CYP51A1: variants seen among roughly 807,000 people sequenced by gnomAD.
CYP51A1 encodes cytochrome P450 family 51 subfamily A member 1, also known as lanosterol 14-alpha demethylase.
CYP51A1 carries 45 observed loss-of-function variants against 53.5 expected under a neutral mutation model. The ratio of observed to expected loss-of-function variants is 0.84; its 90% CI spans 0.66 to 1.08. The LOEUF (loss-of-function observed/expected upper bound fraction) is 1.08. Ranked by LOEUF, CYP51A1 falls within the 50% of genes least tolerant of loss-of-function variation. The pLI is 0.00. For synonymous variants in CYP51A1, 181 were observed against 217.7 expected (o/e 0.83, Z 1.48); for missense variants, 462 against 621.7 (o/e 0.74, Z 2.73).
In CYP51A1 at chr7:92,112,880, T is replaced by TATCCCC. The variant is rs1819471385; in HGVS notation, c.*779_*784dup. ...GGGAACAACTGAGCCAAAACAAAAT[T>TATCCCC]ATCCCCTAAGGACTTGACTTTGGAC... is the stretch of plus-strand genomic sequence containing the variant. On this transcript the variant is annotated 3_prime_UTR_variant, in exon 10 of 10. Transcript: ENST00000003100. 1 of 151,206 alleles carries TATCCCC rather than the reference T, an allele frequency of 6.6e-6. No homozygotes were observed. Among genetic ancestry groups the TATCCCC allele is most frequent in the African/African-American group, 2.4e-5 (1 of 41,088 alleles). The allele number at this position is 151,206 out of a possible 1,614,324, so 9.4% of individuals were successfully genotyped here. A position where few individuals can be genotyped will look rare whatever the true frequency, so the allele number is the denominator to read the frequency against.
chr7:92,126,484 G>A (rs1023392358), intron 4 of CYP51A1, 57 bp from the exon 5 acceptor site: 1 of 1,441,470 alleles, frequency 6.9e-7, no homozygotes, highest in Admixed American at 2.4e-5. Context: ...AAAGAAAATT[G>A]AGAATTAAAA....
At chr7:92,129,126 A>G in intron 2 of CYP51A1, 70 bp from the exon 3 acceptor site, 1 of 969,210 alleles carries the variant, frequency 1.0e-6, no homozygotes, top group Non-Finnish European at 1.5e-6. Flanking sequence ...ACTTTTTAAA[A>G]TCACAAAATA....
Position 92,134,413 on chromosome 7 carries a change from A to C in CYP51A1, c.-49T>G. On this transcript the variant is annotated 5_prime_UTR_variant, in exon 1 of 10. Transcript: ENST00000003100. Reference sequence around the variant, plus strand: ...GCCGAGGTCGCCACCGCTCCTCCCAATCGACGGAACGAGAGAAGCTGGCAG... The same window carrying C: ...GCCGAGGTCGCCACCGCTCCTCCCACTCGACGGAACGAGAGAAGCTGGCAG... The C allele has an allele frequency of 6.7e-7, 1 of 1,491,974 alleles. No homozygotes were observed. 92.4% of individuals were successfully genotyped at this position (1,491,974 alleles called of 1,614,324 possible). A position where few individuals can be genotyped will look rare whatever the true frequency, so the allele number is the denominator to read the frequency against.
At chr7:92,134,529 A>G, upstream of CYP51A1, 1 of 673,314 alleles carries the variant, frequency 1.5e-6, no homozygotes, top group South Asian at 2.0e-5. Flanking sequence ...TGCGTCACAG[A>G]ATGGGGCGGG....
At chr7:92,123,998 C>A in intron 5 of CYP51A1, 145 bp from the exon 6 acceptor site, 1 of 611,256 alleles carries the variant, frequency 1.6e-6, no homozygotes, top group Non-Finnish European at 2.7e-6. Flanking sequence ...AAAATCAGAA[C>A]CAGGAACATA....
At chr7:92,130,895 G>C (rs1427621890) in intron 2 of CYP51A1, among the ~76,000 whole-genome samples, 1 of 152,178 alleles carries the variant, frequency 6.6e-6, no homozygotes, top group Non-Finnish European at 1.5e-5. Flanking sequence ...TAGGACTGTG[G>C]AGCAGTGTTC....
At chr7:92,120,639 A>G (rs1051430957) in intron 7 of CYP51A1, among the ~76,000 whole-genome samples, 2 of 152,192 alleles carry the variant, frequency 1.3e-5, no homozygotes, top group Non-Finnish European at 2.9e-5. Flanking sequence ...AGTCTTTTCA[A>G]CAAACAGTGT....
rs1271254501 is a variant in CYP51A1, at chr7:92,120,272, T to C, written c.1087-1657A>G. On this transcript the variant is annotated intron_variant, in intron 7 of 9. Transcript: ENST00000003100. ...ACTGACACACTGACCCCAAAATTCA[T>C]ATGGAAACTAAAGGGACTAGGAGTA... Among the ~76,000 whole-genome samples, 10 of 152,040 alleles carry C rather than the reference T, an allele frequency of 6.6e-5. 1 individual carries two copies. The highest frequency in any genetic ancestry group is 6.2e-4 in the South Asian group (3 of 4,822).
chr7:92,119,641 C>T (rs935594856), intron 7 of CYP51A1, among the ~76,000 whole-genome samples: 3 of 152,150 alleles, frequency 2.0e-5, no homozygotes, highest in Non-Finnish European at 4.4e-5. Context: ...CAACAATAAA[C>T]CCAGGGAGGA....
chr7:92,129,792 C>T (rs1015503576), intron 2 of CYP51A1, among the ~76,000 whole-genome samples: 1 of 152,014 alleles, frequency 6.6e-6, no homozygotes, highest in East Asian at 1.9e-4. Context: ...AGGAAAGCAA[C>T]TCTGTGATGA....
At position 92,126,148 on chromosome 7, in the gene CYP51A1, A is replaced by G. The variant is rs1174685420; in HGVS notation, c.770+105T>C. The G allele has an allele frequency of 8.1e-6, 6 of 741,168 alleles. No homozygotes were observed. In the East Asian group the frequency reaches 1.8e-4, roughly 22 times the overall value. 45.9% of individuals were successfully genotyped at this position (741,168 alleles called of 1,614,324 possible). A position where few individuals can be genotyped will look rare whatever the true frequency, so the allele number is the denominator to read the frequency against. Reference sequence around the variant, plus strand: ...GGATTCATAATCTTACCCATTTTGTATGTTTTACTTGTTTAATTTTTATCT... The same window carrying G: ...GGATTCATAATCTTACCCATTTTGTGTGTTTTACTTGTTTAATTTTTATCT... On this transcript the variant is annotated intron_variant, in intron 5 of 9. Coordinates refer to ENST00000003100, the MANE Select transcript of CYP51A1 (RefSeq NM_000786.4).
chr7:92,129,302 T>C (rs1819872206), intron 2 of CYP51A1, among the ~76,000 whole-genome samples: 1 of 152,190 alleles, frequency 6.6e-6, no homozygotes, highest in South Asian at 2.1e-4. Context: ...ATTGACAATG[T>C]TTTCTATTGT....
At chr7:92,134,039 G>T (rs954824619) in intron 1 of CYP51A1, 134 bp downstream of exon 1, 1 of 824,432 alleles carries the variant, frequency 1.2e-6, no homozygotes, top group Non-Finnish European at 1.8e-6. Flanking sequence ...CCAAAGCCAC[G>T]CCAAGCATGG....
chr7:92,116,249 G>A (rs1819577906), intron 9 of CYP51A1, among the ~76,000 whole-genome samples: 1 of 152,090 alleles, frequency 6.6e-6, no homozygotes, highest in Non-Finnish European at 1.5e-5. Context: ...CTCCAGACTG[G>A]GTGACAGAGC....
At chr7:92,121,760 A>G (rs1819697741) in intron 7 of CYP51A1, among the ~76,000 whole-genome samples, 1 of 152,236 alleles carries the variant, frequency 6.6e-6, no homozygotes, top group African/African-American at 2.4e-5. Context: ...AAATATCCAG[A>G]ATAGGCAAAC....
rs551704866 is a variant in CYP51A1, at chr7:92,129,029, C to T, written c.319G>A (p.Val107Ile). ...AGAAGGTAAGTAAATGTCTTGCCTACCATGGTAAAACTAAATACAGGTCCA... is the reference window on the plus strand; with the variant it reads ...AGAAGGTAAGTAAATGTCTTGCCTATCATGGTAAAACTAAATACAGGTCCA... ...KYGPVFSFTM[V>I]GKTFTYLLGS... is the part of the protein sequence containing the mutation. Residue 107 changes from valine to isoleucine, a missense_variant, in exon 3 of 10, where the codon GTA (valine) becomes ATA (isoleucine). Physicochemically the swap from Val to Ile is conservative, Grantham distance 29. Coordinates refer to ENST00000003100, the MANE Select transcript of CYP51A1 (RefSeq NM_000786.4). 4 of 1,613,096 alleles carry T rather than the reference C, an allele frequency of 2.5e-6. No homozygotes were observed. In the African/African-American group the frequency reaches 5.3e-5, roughly 22 times the overall value.
intron 7 of CYP51A1, among the ~76,000 whole-genome samples, chr7:92,121,563 CA>C (rs1266130732): frequency 6.6e-6 from 1 of 152,076 alleles, no homozygotes; most frequent in Non-Finnish European, 1.5e-5. Context: ...AAGGTGGAAA[CA>C]ACTCAAATGT....
Position 92,113,611 on chromosome 7 carries a change from A to T in CYP51A1, c.*54T>A, listed in dbSNP as rs953156415. 182 of 1,507,728 alleles carry T rather than the reference A, an allele frequency of 1.2e-4. No homozygotes were observed. The highest frequency in any genetic ancestry group is 1.5e-4 in the Non-Finnish European group (168 of 1,097,520). The allele number at this position is 1,507,728 out of a possible 1,614,324, so 93.4% of individuals were successfully genotyped here. ...GTTTTGTACACTTCATTCTCTTCGA[A>T]TGCCTTTGTGGCTTACAGTGATAAT... On this transcript the variant is annotated 3_prime_UTR_variant, in exon 10 of 10. Transcript: ENST00000003100.
chr7:92,132,049 GAGAGT>G, intron 1 of CYP51A1, 177 bp from the exon 2 acceptor site: 1 of 528,176 alleles, frequency 1.9e-6, no homozygotes, highest in South Asian at 2.1e-5. Context: ...AATACCTCAA[GAGAGT>G]AGCTATTGTA....
Sources: allele counts gnomAD v4.1 joint callset (sites outside exome capture counted in the v4.1 genomes callset), GRCh38; gene constraint gnomAD v4.1.1; transcripts MANE v1.5; gene names NCBI Gene and HGNC (gene_info 2026-07-23, HGNC 2026-07-21).